APLF: variants seen among roughly 807,000 people sequenced by gnomAD.
APLF encodes the protein aprataxin and PNK-like factor.
Under a neutral mutation model 55.6 loss-of-function variants are expected in APLF, and 61 were observed. That is an observed-to-expected ratio of 1.10 (90% CI 0.89 to 1.36). The LOEUF is 1.36. Ranked by LOEUF, APLF falls within the 40% of genes most tolerant of loss-of-function variation. APLF has a pLI of 0.00. For missense variants in APLF, 611 were observed against 602.5 expected, an observed-to-expected ratio of 1.01 and a Z score of -0.15; for synonymous variants, 207 against 214.8, an observed-to-expected ratio of 0.96 and a Z score of 0.32.
intron 9 of APLF, among the ~76,000 whole-genome samples, chr2:68,571,143 GT>G (rs1398056735): frequency 6.7e-6 from 1 of 149,600 alleles, no homozygotes; most frequent in Non-Finnish European, 1.5e-5. Context: ...TGATGGGGTT[GT>G]TTTTTTTTCT....
At chr2:68,519,279 T>C (rs1331698472) in intron 5 of APLF, among the ~76,000 whole-genome samples, 5 of 143,306 alleles carry the variant, frequency 3.5e-5, no homozygotes, top group South Asian at 2.1e-4. Flanking sequence ...ATATTATATG[T>C]ATATTGTATA....
At position 68,502,874 on chromosome 2, in the gene APLF, C is replaced by G. The variant is rs1306043222; in HGVS notation, c.312C>G (p.Pro104=). ...ACATTTTCCGCATTCTCTCTATACC[C>G]TCTGAAGTGGAAATGCAATGTACCT... The part of the protein sequence containing the change: ...DKYIFRILSI[P]SEVEMQCTLR... Residue 104 remains proline (P), a synonymous_variant, in exon 3 of 10, where the codon CCC becomes CCG. Transcript: ENST00000303795. The G allele has an allele frequency of 1.2e-6, 2 of 1,604,442 alleles. No individual in the cohort carries two copies. The highest frequency in any genetic ancestry group is 1.7e-6 in the Non-Finnish European group (2 of 1,176,780).
chr2:68,577,201 A>G (rs1671650825), intron 9 of APLF, among the ~76,000 whole-genome samples: 1 of 152,198 alleles, frequency 6.6e-6, no homozygotes, highest in South Asian at 2.1e-4. Flanking sequence ...GTTTGCTGTG[A>G]TAACAAACAT....
At chr2:68,557,485 GTGT>G (rs1216252167) in intron 8 of APLF, among the ~76,000 whole-genome samples, 1 of 152,176 alleles carries the variant, frequency 6.6e-6, no homozygotes, top group Non-Finnish European at 1.5e-5. Flanking sequence ...ATAAGAATGT[GTGT>G]TGTTTAGTAT....
In APLF at chr2:68,467,663, CGTGT is replaced by C; in HGVS notation, c.-68_-65del. 1 of 1,181,526 alleles carries C rather than the reference CGTGT, an allele frequency of 8.5e-7. No homozygotes were observed. The highest frequency in any genetic ancestry group is 1.1e-6 in the Non-Finnish European group (1 of 940,070). 73.2% of individuals were successfully genotyped at this position (1,181,526 alleles called of 1,614,324 possible). A position where few individuals can be genotyped will look rare whatever the true frequency, so the allele number is the denominator to read the frequency against. ...TCCCAGGGCGTGGGCTTGCCCCGCG[CGTGT>C]CTGTGGAGGGCGGAAACAGCGGAGG... On this transcript the variant is annotated 5_prime_UTR_variant, in exon 1 of 10. Coordinates refer to ENST00000303795, the MANE Select transcript of APLF (RefSeq NM_173545.3).
At chr2:68,524,623 T>C (rs1165284544) in intron 5 of APLF, among the ~76,000 whole-genome samples, 2 of 152,256 alleles carry the variant, frequency 1.3e-5, no homozygotes, top group Non-Finnish European at 2.9e-5. Context: ...TAATCCCTGC[T>C]TTAGAACATG....
chr2:68,493,967 G>A (rs71413134), intron 2 of APLF, among the ~76,000 whole-genome samples: 9,528 of 152,100 alleles, frequency 0.063, 355 homozygotes, highest in Middle Eastern at 0.11. Flanking sequence ...AATTATCCAG[G>A]CGTGGTGGCG....
At position 68,518,515 on chromosome 2, in the gene APLF, A is replaced by G. The variant is rs1460122297; in HGVS notation, c.622+4835A>G. Among the ~76,000 whole-genome samples the G allele has an allele frequency of 2.6e-5, 3 of 117,268 alleles. No homozygotes were observed. In the East Asian group the frequency reaches 7.2e-4, roughly 28 times the overall value. The allele number at this position is 117,268 out of a possible 152,430, so 76.9% of individuals were successfully genotyped here. On this transcript the variant is annotated intron_variant, in intron 5 of 9. Coordinates refer to ENST00000303795, the MANE Select transcript of APLF (RefSeq NM_173545.3). ...TAATAATATATAATAATGTTAATAT[A>G]TTATTATATTATATATTAATATATA...
At chr2:68,563,519 C>G (rs1028164205) in intron 8 of APLF, among the ~76,000 whole-genome samples, 1 of 151,992 alleles carries the variant, frequency 6.6e-6, no homozygotes, top group African/African-American at 2.4e-5. Flanking sequence ...CCCACTCCCC[C>G]ACTTTGTGAT....
intron 1 of APLF, among the ~76,000 whole-genome samples, chr2:68,470,446 T>G (rs964626383): frequency 6.6e-5 from 10 of 152,316 alleles, no homozygotes; most frequent in South Asian, 2.1e-4. Flanking sequence ...ACTATAGTTT[T>G]GTAAGACGTT....
At position 68,535,834 on chromosome 2, in the gene APLF, G is replaced by T. The variant is rs150653801; in HGVS notation, c.805-2038G>T. On this transcript the variant is annotated intron_variant, in intron 6 of 9. Coordinates refer to ENST00000303795, the MANE Select transcript of APLF (RefSeq NM_173545.3). ...ACAAAGGGAATTGAGAGGCCAAAAG[G>T]TTTTAAGGTTAAGAGAAGTGCAGTG... Among the ~76,000 whole-genome samples, 325 of 152,182 alleles carry T rather than the reference G, an allele frequency of 2.1e-3. 1 individual carries two copies. The highest frequency in any genetic ancestry group is 7.3e-3 in the African/African-American group (304 of 41,532).
intron 3 of APLF, among the ~76,000 whole-genome samples, chr2:68,511,430 G>T (rs1385379987): frequency 6.6e-6 from 1 of 151,502 alleles, no homozygotes; most frequent in Non-Finnish European, 1.5e-5. Flanking sequence ...ATGTTAAATA[G>T]AATTTTGTTC....
intron 8 of APLF, among the ~76,000 whole-genome samples, chr2:68,564,423 C>A (rs1401995461): frequency 6.6e-6 from 1 of 151,998 alleles, no homozygotes; most frequent in Non-Finnish European, 1.5e-5. Flanking sequence ...TTAATACTTG[C>A]ATTGTAGGAA....
intron 8 of APLF, among the ~76,000 whole-genome samples, chr2:68,547,138 CA>C (rs2104021321): frequency 6.6e-6 from 1 of 151,404 alleles, no homozygotes; most frequent in South Asian, 2.1e-4. Context: ...ATTATAACAT[CA>C]AAAAGTAAAG....
At chr2:68,574,274 A>G in intron 9 of APLF, among the ~76,000 whole-genome samples, 1 of 152,188 alleles carries the variant, frequency 6.6e-6, no homozygotes, top group East Asian at 1.9e-4. Flanking sequence ...CTCTACTAGC[A>G]ATTTTTTAAA....
chr2:68,503,836 A>C (rs967076645), intron 3 of APLF, among the ~76,000 whole-genome samples: 2 of 152,064 alleles, frequency 1.3e-5, no homozygotes, highest in Non-Finnish European at 1.5e-5. Context: ...AAATAGAAAA[A>C]AAGAAAGTAA....
chr2:68,491,670 G>C (rs1482471034), intron 2 of APLF, among the ~76,000 whole-genome samples: 1 of 152,144 alleles, frequency 6.6e-6, no homozygotes, highest in African/African-American at 2.4e-5. Flanking sequence ...GTGCAGTTTT[G>C]TTACATGATT....
At chr2:68,554,561 G>T (rs573136137) in intron 8 of APLF, among the ~76,000 whole-genome samples, 1 of 151,272 alleles carries the variant, frequency 6.6e-6, no homozygotes, top group Non-Finnish European at 1.5e-5. Context: ...TGTTTGTGTC[G>T]TCTATGATTT....
intron 8 of APLF, among the ~76,000 whole-genome samples, chr2:68,561,543 G>A (rs1283109996): frequency 6.6e-6 from 1 of 152,096 alleles, no homozygotes; most frequent in Non-Finnish European, 1.5e-5. Context: ...GGAGCAGTCT[G>A]TATCTCAGGA....
Sources: gnomAD v4.1 joint callset for allele counts (sites outside exome capture counted in the v4.1 genomes callset) on GRCh38, gnomAD v4.1.1 for gene constraint, MANE v1.5 for transcripts, NCBI Gene and HGNC (gene_info 2026-07-23, HGNC 2026-07-21) for gene names.